CHODL: variants seen among roughly 807,000 people sequenced by gnomAD.
The protein encoded by CHODL is transmembrane protein MT75.
A neutral mutation model predicts 34.5 loss-of-function variants in CHODL; 29 were observed. The observed-to-expected ratio is 0.84, with a 90% CI of 0.63 to 1.15. CHODL has a LOEUF of 1.15. Among genes scored for constraint, CHODL ranks in the 50% most tolerant of loss-of-function variants. CHODL has a pLI of 0.00. For missense variants in CHODL, 332 were observed against 332.5 expected (o/e 1.00, Z 0.01); for synonymous variants, 125 against 116.1 (o/e 1.08, Z -0.49).
chr21:18,040,616 T>C (rs1184365568), intron 2 of CHODL, among the ~76,000 whole-genome samples: 1 of 151,866 alleles, frequency 6.6e-6, no homozygotes, highest in Non-Finnish European at 1.5e-5. Flanking sequence ...AGCTTCTTAA[T>C]GGTTTACAGG....
intron 2 of CHODL, among the ~76,000 whole-genome samples, chr21:18,050,112 G>A (rs2064495355): frequency 6.6e-6 from 1 of 151,942 alleles, no homozygotes; most frequent in Non-Finnish European, 1.5e-5. Flanking sequence ...GGAGATCAAA[G>A]GAGTGAGGGT....
chr21:18,109,991 A>G (rs1244040944), intron 2 of CHODL, among the ~76,000 whole-genome samples: 2 of 152,192 alleles, frequency 1.3e-5, no homozygotes, highest in African/African-American at 4.8e-5. Flanking sequence ...AAAGCCAACA[A>G]GGGGAAAAAA....
At chr21:17,951,136 GTGTA>G (rs756262178) in intron 1 of CHODL, among the ~76,000 whole-genome samples, 1 of 143,562 alleles carries the variant, frequency 7.0e-6, no homozygotes, top group Non-Finnish European at 1.5e-5. Context: ...GTGTGTGTGT[GTGTA>G]CAAATCAATG....
At chr21:18,118,580 C>A (rs896973788) in intron 2 of CHODL, among the ~76,000 whole-genome samples, 6 of 152,168 alleles carry the variant, frequency 3.9e-5, no homozygotes, top group African/African-American at 1.4e-4. Context: ...ACAAATGCAT[C>A]TTAAATGGGT....
intron 2 of CHODL, among the ~76,000 whole-genome samples, chr21:18,048,929 TA>T (rs879589599): frequency 2.6e-5 from 4 of 151,800 alleles, no homozygotes; most frequent in African/African-American, 4.8e-5. Flanking sequence ...CACATTTTTT[TA>T]AAAAAAATAG....
At chr21:18,053,785 AAAG>A (rs1232430737) in intron 2 of CHODL, among the ~76,000 whole-genome samples, 2 of 151,888 alleles carry the variant, frequency 1.3e-5, no homozygotes, top group East Asian at 1.9e-4. Context: ...TGAGGACTGA[AAAG>A]AAGGCAGCCT....
At chr21:18,136,618 T>C (rs926437012) in intron 2 of CHODL, among the ~76,000 whole-genome samples, 1 of 151,274 alleles carries the variant, frequency 6.6e-6, no homozygotes, top group African/African-American at 2.4e-5. Context: ...GGAGTGTGTG[T>C]GTGCGTGCGC....
chr21:18,175,210 G>T (rs540840717), intron 2 of CHODL, among the ~76,000 whole-genome samples: 1 of 152,206 alleles, frequency 6.6e-6, no homozygotes, highest in Admixed American at 6.5e-5. Context: ...CCCAGTAAAG[G>T]AATCCTCATT....
At chr21:18,094,218 T>C (rs1334275789) in intron 2 of CHODL, among the ~76,000 whole-genome samples, 1 of 152,012 alleles carries the variant, frequency 6.6e-6, no homozygotes, top group Non-Finnish European at 1.5e-5. Context: ...CCCAGATATA[T>C]AAAACAAATA....
rs896764796 is a variant in CHODL, at chr21:17,968,009, T to C, written c.-145+50609T>C. ...TTAAAACAATGTTTATCTTGCATCA[T>C]TGCGGAAGTTGTGCTGAAACACTCC... On this transcript the variant is annotated intron_variant, in intron 1 of 6. Transcript: ENST00000400127. 2.6e-5 allele frequency among the ~76,000 whole-genome samples: 4 copies of C among 152,234 alleles called. No individual in the cohort carries two copies. In the South Asian group the frequency reaches 6.2e-4, roughly 24 times the overall value.
chr21:18,167,209 C>CTGTGTGTGTGTG (rs769948179), intron 2 of CHODL, among the ~76,000 whole-genome samples: 1 of 129,070 alleles, frequency 7.7e-6, no homozygotes, highest in Non-Finnish European at 1.7e-5. Context: ...ATTTCTCTCT[C>CTGTGTGTGTGTG]TCTGTGTGTG....
At chr21:18,212,873 C>T (rs1038260619) in intron 2 of CHODL, among the ~76,000 whole-genome samples, 1 of 152,102 alleles carries the variant, frequency 6.6e-6, no homozygotes, top group African/African-American at 2.4e-5. Flanking sequence ...TGTGTAAATA[C>T]CATGCTTATC....
chr21:18,229,041 G>T (rs2073955957), intron 2 of CHODL, among the ~76,000 whole-genome samples: 2 of 152,058 alleles, frequency 1.3e-5, no homozygotes, highest in African/African-American at 4.8e-5. Flanking sequence ...ATTTATTTAT[G>T]AATCTTCTGT....
chr21:18,080,055 G>T (rs966544342), intron 2 of CHODL, among the ~76,000 whole-genome samples: 1 of 152,068 alleles, frequency 6.6e-6, no homozygotes, highest in African/African-American at 2.4e-5. Flanking sequence ...GGTATCTCTT[G>T]TGGTTTTGAC....
At chr21:18,000,876 C>CT (rs921563733) in intron 1 of CHODL, among the ~76,000 whole-genome samples, 17 of 151,442 alleles carry the variant, frequency 1.1e-4, no homozygotes, top group South Asian at 6.3e-4. Flanking sequence ...TTTTCTTTTT[C>CT]TTTTTTTTTC....
intron 2 of CHODL, chr21:18,034,420 T>C (rs2064285407): frequency 6.6e-6 from 1 of 151,934 alleles, no homozygotes; most frequent in Non-Finnish European, 1.5e-5. Flanking sequence ...TGGGAAGTCT[T>C]CCACAATCCA....
At chr21:18,185,355 T>C (rs2146682555) in intron 2 of CHODL, among the ~76,000 whole-genome samples, 1 of 152,328 alleles carries the variant, frequency 6.6e-6, no homozygotes. Flanking sequence ...CATGAACTCA[T>C]TCTTTTTTAT....
intron 3 of CHODL, among the ~76,000 whole-genome samples, chr21:18,257,455 A>C (rs2074331494): frequency 6.6e-6 from 1 of 152,192 alleles, no homozygotes; most frequent in Admixed American, 6.5e-5. Context: ...CATTACTATA[A>C]TATGTGGGAA....
At chr21:18,045,149 G>A (rs1172693179) in intron 2 of CHODL, among the ~76,000 whole-genome samples, 1 of 151,924 alleles carries the variant, frequency 6.6e-6, no homozygotes, top group Non-Finnish European at 1.5e-5. Flanking sequence ...TCTGGGACCT[G>A]AATAATGAGT....
Sources: allele counts gnomAD v4.1 joint callset (sites outside exome capture counted in the v4.1 genomes callset), GRCh38; gene constraint gnomAD v4.1.1; transcripts MANE v1.5; gene names NCBI Gene and HGNC (gene_info 2026-07-23, HGNC 2026-07-21).